CASP10: variants seen among roughly 807,000 people sequenced by gnomAD.
CASP10 encodes caspase-10.
A neutral mutation model predicts 48.5 loss-of-function variants in CASP10; 41 were observed. The observed-to-expected ratio is 0.85, with a 90% CI of 0.66 to 1.10. The LOEUF (loss-of-function observed/expected upper bound fraction) is 1.10, where lower values mean the gene tolerates loss of function less well. Among genes scored for constraint, CASP10 ranks in the 50% least tolerant of loss-of-function variants. CASP10 has a pLI of 0.00. For synonymous variants in CASP10, 232 were observed against 238.4 expected, an observed-to-expected ratio of 0.97 and a Z score of 0.25; for missense variants, 614 against 614.5, an observed-to-expected ratio of 1.00 and a Z score of 0.01.
At position 201,220,989 on chromosome 2, in the gene CASP10, A is replaced by G. The variant is rs924058344; in HGVS notation, c.*3248A>G. The G allele has an allele frequency of 2.0e-6, 2 of 985,358 alleles. No individual in the cohort carries two copies. The highest frequency in any genetic ancestry group is 1.7e-5 in the African/African-American group (1 of 57,246). 61.0% of individuals were successfully genotyped at this position (985,358 alleles called of 1,614,324 possible). ...GCCTTGTCTGTAAAGTAGAGAAAAC[A>G]TTAGCTGTTGGGAAGACGAAAAAGA... On this transcript the variant is annotated 3_prime_UTR_variant, in exon 10 of 10. Transcript: ENST00000286186.
At position 201,220,759 on chromosome 2, in the gene CASP10, C is replaced by G; in HGVS notation, c.*3018C>G. Reference sequence around the variant, plus strand: ...TCTTACACATGTGTCAGGATGATCTCCCAAAACCGTGTTCATAACAGTCAG... The same window carrying G: ...TCTTACACATGTGTCAGGATGATCTGCCAAAACCGTGTTCATAACAGTCAG... On this transcript the variant is annotated 3_prime_UTR_variant, in exon 10 of 10. Transcript: ENST00000286186. 5.1e-6 allele frequency: 5 copies of G among 985,308 alleles called. No individual in the cohort carries two copies. The highest frequency in any genetic ancestry group is 3.6e-6 in the Non-Finnish European group (3 of 829,936). 61.0% of individuals were successfully genotyped at this position (985,308 alleles called of 1,614,324 possible).
In CASP10 at chr2:201,203,711, C is replaced by T. The variant is rs200145309; in HGVS notation, c.685-19C>T. 1.9e-6 allele frequency: 3 copies of T among 1,611,124 alleles called. No homozygotes were observed. The highest frequency in any genetic ancestry group is 4.5e-5 in the East Asian group (2 of 44,848). Reference sequence around the variant, plus strand: ...GTGTGAAATTCCTATGTTTCATGCCCTCCTTTCTTTTTTCTCAGCAGGAGT... The same window carrying T: ...GTGTGAAATTCCTATGTTTCATGCCTTCCTTTCTTTTTTCTCAGCAGGAGT... On this transcript the variant is annotated intron_variant, in intron 5 of 9. Transcript: ENST00000286186.
At chr2:201,210,663 C>G (rs533172977) in intron 9 of CASP10, among the ~76,000 whole-genome samples, 1 of 152,220 alleles carries the variant, frequency 6.6e-6, no homozygotes, top group South Asian at 2.1e-4. Flanking sequence ...TCACAGACAT[C>G]AGAGGCTAAT....
At chr2:201,202,525 C>A (rs1202979039) in intron 5 of CASP10, among the ~76,000 whole-genome samples, 1 of 152,188 alleles carries the variant, frequency 6.6e-6, no homozygotes, top group East Asian at 1.9e-4. Flanking sequence ...GTCTGCATTG[C>A]CCCTAATCCC....
intron 4 of CASP10, among the ~76,000 whole-genome samples, chr2:201,194,980 T>C (rs1308037646): frequency 4.6e-5 from 7 of 151,982 alleles, no homozygotes; most frequent in Admixed American, 3.3e-4. Flanking sequence ...GATTTCACCA[T>C]GTTAGCCAGG....
intron 9 of CASP10, among the ~76,000 whole-genome samples, chr2:201,216,431 G>A (rs1357781232): frequency 6.6e-6 from 1 of 152,058 alleles, no homozygotes; most frequent in African/African-American, 2.4e-5. Context: ...CAGGATAATG[G>A]TAGTTTCTTG....
Position 201,187,696 on chromosome 2 carries a change from T to G in CASP10, c.348-10T>G, listed in dbSNP as rs772742614. 6.2e-7 allele frequency: 1 copy of G among 1,604,014 alleles called. No individual in the cohort carries two copies. Among genetic ancestry groups the G allele is most frequent in the Non-Finnish European group, 8.5e-7 (1 of 1,170,786 alleles). ...AAGGCTTTATTTGTCATTTTGGGTG[T>G]GTGTCTTAGAAACCTGCTCTACGAA... On this transcript the variant is annotated splice_polypyrimidine_tract_variant and intron_variant, in intron 2 of 9. Coordinates refer to ENST00000286186, the MANE Select transcript of CASP10 (RefSeq NM_032977.4).
chr2:201,218,660 A>G lies in CASP10; in HGVS notation c.*919A>G, dbSNP rs1195579775. The G allele has an allele frequency of 3.0e-6, 3 of 985,276 alleles. No individual in the cohort carries two copies. The highest frequency in any genetic ancestry group is 3.6e-6 in the Non-Finnish European group (3 of 829,972). The allele number at this position is 985,276 out of a possible 1,614,324, so 61.0% of individuals were successfully genotyped here. On this transcript the variant is annotated 3_prime_UTR_variant, in exon 10 of 10. Coordinates refer to ENST00000286186, the MANE Select transcript of CASP10 (RefSeq NM_032977.4). ...TTCAAAAACCACGTTCTTAGCCTAG[A>G]TTGAGCTTAGATTGCCTCTCTAGAC...
rs937617861 is a variant in CASP10 at position 201,199,795 on chromosome 2, G to A, written c.684+3847G>A. The stretch of plus-strand genomic sequence containing the variant: ...TCACCATGTTGGCCAGGCTGGTCTC[G>A]TACTCCTGACCTAAGTTATCTGCCT... On this transcript the variant is annotated intron_variant, in intron 5 of 9. Transcript: ENST00000286186. 9.9e-5 allele frequency among the ~76,000 whole-genome samples: 15 copies of A among 151,974 alleles called. No individual in the cohort carries two copies. The East Asian group carries it at 2.7e-3, about 27-fold the overall frequency.
chr2:201,198,896 AT>A (rs1944911026), intron 5 of CASP10, among the ~76,000 whole-genome samples: 1 of 152,138 alleles, frequency 6.6e-6, no homozygotes, highest in Non-Finnish European at 1.5e-5. Context: ...ATGGTCTGAT[AT>A]TTTTACAGTT....
At chr2:201,196,365 T>C (rs1944796511) in intron 5 of CASP10, among the ~76,000 whole-genome samples, 1 of 152,252 alleles carries the variant, frequency 6.6e-6, no homozygotes, top group Non-Finnish European at 1.5e-5. Flanking sequence ...GCTCTGCTGT[T>C]ACTGCTTTGA....
At chr2:201,190,562 T>C (rs906894824) in intron 3 of CASP10, among the ~76,000 whole-genome samples, 2 of 152,122 alleles carry the variant, frequency 1.3e-5, no homozygotes, top group Non-Finnish European at 2.9e-5. Context: ...GTGGTTTTCA[T>C]AACATTCTCT....
intron 1 of CASP10, among the ~76,000 whole-genome samples, chr2:201,184,534 G>T (rs868056671): frequency 9.8e-5 from 15 of 152,302 alleles, no homozygotes; most frequent in South Asian, 2.1e-4. Context: ...ACGTTGCCCA[G>T]TCTGGTCTTG....
intron 9 of CASP10, among the ~76,000 whole-genome samples, chr2:201,210,835 A>T (rs1945368168): frequency 6.6e-6 from 1 of 152,222 alleles, no homozygotes; most frequent in Admixed American, 6.5e-5. Flanking sequence ...GATAATAAAA[A>T]TATAAGTGAA....
chr2:201,207,775 T>G (rs1945256292), intron 7 of CASP10, among the ~76,000 whole-genome samples: 1 of 149,194 alleles, frequency 6.7e-6, no homozygotes, highest in African/African-American at 2.5e-5. Context: ...AAAAAAATTA[T>G]CTGGGGGTGT....
At chr2:201,196,686 C>A (rs1944806421) in intron 5 of CASP10, among the ~76,000 whole-genome samples, 1 of 152,176 alleles carries the variant, frequency 6.6e-6, no homozygotes, top group East Asian at 1.9e-4. Flanking sequence ...ATACACATAA[C>A]AAAATTTACC....
chr2:201,196,021 A>G (rs1432915742), intron 5 of CASP10, 73 bp downstream of exon 5: 2 of 997,106 alleles, frequency 2.0e-6, no homozygotes, highest in African/African-American at 3.2e-5. Context: ...CTGCCACCCC[A>G]AAAAAGAAAA....
chr2:201,199,671 T>C (rs1944942723), intron 5 of CASP10, among the ~76,000 whole-genome samples: 1 of 150,116 alleles, frequency 6.7e-6, no homozygotes, highest in South Asian at 2.1e-4. Flanking sequence ...ACCTCCCAGG[T>C]TAAAGCAATT....
intron 9 of CASP10, among the ~76,000 whole-genome samples, chr2:201,228,046 T>A (rs780489558): frequency 1.3e-5 from 2 of 151,830 alleles, no homozygotes; most frequent in Non-Finnish European, 2.9e-5. Flanking sequence ...TTCAAAAAGG[T>A]CTTTAGAGAC....
Sources: gnomAD v4.1 joint callset for allele counts (sites outside exome capture counted in the v4.1 genomes callset) on GRCh38, gnomAD v4.1.1 for gene constraint, MANE v1.5 for transcripts, NCBI Gene and HGNC (gene_info 2026-07-23, HGNC 2026-07-21) for gene names.